Variants in BTBD7 observed in about 807,000 individuals in gnomAD.
BTBD7 encodes the protein BTB/POZ domain-containing protein 7.
A neutral mutation model predicts 99.9 loss-of-function variants in BTBD7; 38 were observed. The ratio of observed to expected loss-of-function variants is 0.38; its 90% CI spans 0.29 to 0.50. BTBD7 has a LOEUF of 0.50. BTBD7 is among the 20% of genes least tolerant of loss of function. The pLI is 0.93. For missense variants in BTBD7, 1,170 were observed against 1,394.6 expected, an observed-to-expected ratio of 0.84 and a Z score of 2.57; for synonymous variants, 520 against 511.4, an observed-to-expected ratio of 1.02 and a Z score of -0.23.
At chr14:93,320,281 C>T (rs1272814471) in intron 1 of BTBD7, among the ~76,000 whole-genome samples, 3 of 152,158 alleles carry the variant, frequency 2.0e-5, no homozygotes, top group Admixed American at 6.5e-5. Flanking sequence ...CCCTAACCCC[C>T]ACACTTGACA....
Position 93,240,052 on chromosome 14 carries a change from T to C in BTBD7, c.*2221A>G, listed in dbSNP as rs989788939. The C allele has an allele frequency of 6.6e-6, 1 of 152,166 alleles. No individual in the cohort carries two copies. Among genetic ancestry groups the C allele is most frequent in the African/African-American group, 2.4e-5 (1 of 41,438 alleles). The allele number at this position is 152,166 out of a possible 1,614,324, so 9.4% of individuals were successfully genotyped here. A position where few individuals can be genotyped will look rare whatever the true frequency, so the allele number is the denominator to read the frequency against. ...TTCTGAAGACAGACAGAGACTGGGC[T>C]TCAAAAGACACCGTCTTCTATTATG... On this transcript the variant is annotated 3_prime_UTR_variant, in exon 11 of 11. Transcript: ENST00000334746.
chr14:93,331,825 G>A (rs2053420476), intron 1 of BTBD7, among the ~76,000 whole-genome samples: 1 of 151,032 alleles, frequency 6.6e-6, no homozygotes, highest in Admixed American at 6.6e-5. Context: ...AGGTTGCAGT[G>A]AGTCGAGATC....
At chr14:93,331,431 T>C (rs2053406305) in intron 1 of BTBD7, among the ~76,000 whole-genome samples, 1 of 152,236 alleles carries the variant, frequency 6.6e-6, no homozygotes, top group Non-Finnish European at 1.5e-5. Context: ...TAAAAGTTTT[T>C]CTGACTCCAA....
At position 93,238,202 on chromosome 14, in the gene BTBD7, C is replaced by G. The variant is rs886700309; in HGVS notation, c.*4071G>C. ...AGTAATCTTTCTATAGAAATGGCCA[C>G]AGCATTATAATATTCAAAATATGGA... On this transcript the variant is annotated 3_prime_UTR_variant, in exon 11 of 11. Transcript: ENST00000334746. 1 of 152,318 alleles carries G rather than the reference C, an allele frequency of 6.6e-6. No individual in the cohort carries two copies. Among genetic ancestry groups the G allele is most frequent in the African/African-American group, 2.4e-5 (1 of 41,322 alleles). The allele number at this position is 152,318 out of a possible 1,614,324, so 9.4% of individuals were successfully genotyped here. A position where few individuals can be genotyped will look rare whatever the true frequency, so the allele number is the denominator to read the frequency against.
In BTBD7 at chr14:93,240,158, C is replaced by A. The variant is rs991431383; in HGVS notation, c.*2115G>T. 5 of 152,528 alleles carry A rather than the reference C, an allele frequency of 3.3e-5. No individual in the cohort carries two copies. Among genetic ancestry groups the A allele is most frequent in the Admixed American group, 3.3e-4 (5 of 15,282 alleles). The allele number at this position is 152,528 out of a possible 1,614,324, so 9.4% of individuals were successfully genotyped here. Reference sequence around the variant, plus strand: ...AGCCTCGAATGCGATGCACAGCCGACCTGCAGATTAGTGTTAACTCTGGGA... The same window carrying A: ...AGCCTCGAATGCGATGCACAGCCGAACTGCAGATTAGTGTTAACTCTGGGA... On this transcript the variant is annotated 3_prime_UTR_variant, in exon 11 of 11. Coordinates refer to ENST00000334746, the MANE Select transcript of BTBD7 (RefSeq NM_001002860.4).
rs77262983 is a variant in BTBD7, at chr14:93,297,938, G to A, written c.-106-1781C>T. ...CTTTTAAGATGAGCTTGGAATCTGA[G>A]TGTAAGGGGAGATGGTGAAAATCAT... On this transcript the variant is annotated intron_variant, in intron 1 of 10. Coordinates refer to ENST00000334746, the MANE Select transcript of BTBD7 (RefSeq NM_001002860.4). 9.4e-3 allele frequency among the ~76,000 whole-genome samples: 1,430 copies of A among 152,352 alleles called. 27 individuals are homozygous for A. The highest frequency in any genetic ancestry group is 0.033 in the African/African-American group (1,368 of 41,580).
chr14:93,276,951 G>T (rs2052663336), intron 3 of BTBD7, among the ~76,000 whole-genome samples: 1 of 135,738 alleles, frequency 7.4e-6, no homozygotes, highest in Non-Finnish European at 1.5e-5. Context: ...ACCCAGCCTG[G>T]AGTGCAGTGG....
Position 93,294,093 on chromosome 14 carries a change from A to G in BTBD7, c.927T>C (p.Thr309=), listed in dbSNP as rs1210594334. The G allele has an allele frequency of 1.2e-6, 2 of 1,614,122 alleles. No individual in the cohort carries two copies. The highest frequency in any genetic ancestry group is 1.7e-5 in the Admixed American group (1 of 60,010). The change falls in exon 3 of 11, where the codon ACT becomes ACC. Residue 309 remains threonine (T), a synonymous_variant. Transcript: ENST00000334746. ...ACTCATCTAATATAATTCTTGTGGG[A>G]GTCCTCAAAGTTCGGTCTGTGATTT... is the stretch of plus-strand genomic sequence containing the variant. ...GEEITDRTLR[T]PTRIILDESI...
At chr14:93,266,845 T>C (rs1357867695) in intron 3 of BTBD7, among the ~76,000 whole-genome samples, 1 of 152,242 alleles carries the variant, frequency 6.6e-6, no homozygotes, top group Non-Finnish European at 1.5e-5. Flanking sequence ...CCACCACATT[T>C]ATATCCACAT....
intron 3 of BTBD7, among the ~76,000 whole-genome samples, chr14:93,293,414 C>T (rs72708566): frequency 0.022 from 3,275 of 152,270 alleles, 58 homozygotes; most frequent in Non-Finnish European, 0.033. Context: ...TCTGATTCAA[C>T]TAAATTCGTA....
At chr14:93,315,448 T>C (rs1339560568) in intron 1 of BTBD7, among the ~76,000 whole-genome samples, 1 of 152,226 alleles carries the variant, frequency 6.6e-6, no homozygotes, top group Non-Finnish European at 1.5e-5. Context: ...ACTGAATTTC[T>C]TGAGAACGTT....
chr14:93,292,843 G>T (rs899886840), intron 3 of BTBD7, among the ~76,000 whole-genome samples: 1 of 151,952 alleles, frequency 6.6e-6, no homozygotes, highest in Non-Finnish European at 1.5e-5. Context: ...TTTAACTGGG[G>T]CTATTTTTCA....
intron 3 of BTBD7, among the ~76,000 whole-genome samples, chr14:93,285,230 CAGTA>C (rs2052763836): frequency 6.6e-6 from 1 of 151,992 alleles, no homozygotes; most frequent in African/African-American, 2.4e-5. Flanking sequence ...TGAGTGGGGA[CAGTA>C]AGTCTTTGCT....
At chr14:93,280,616 A>T (rs2052707658) in intron 3 of BTBD7, among the ~76,000 whole-genome samples, 2 of 152,212 alleles carry the variant, frequency 1.3e-5, no homozygotes, top group Admixed American at 6.5e-5. Context: ...TTTAGTGCAA[A>T]GAATCGTAAC....
intron 1 of BTBD7, chr14:93,332,326 G>A (rs771611196): frequency 6.6e-6 from 1 of 152,462 alleles, no homozygotes; most frequent in Non-Finnish European, 1.5e-5. Context: ...ACTTCCCCTG[G>A]GAGTAGCAGT....
At chr14:93,273,033 C>G (rs746888368) in intron 3 of BTBD7, among the ~76,000 whole-genome samples, 11 of 152,108 alleles carry the variant, frequency 7.2e-5, no homozygotes, top group South Asian at 2.1e-4. Flanking sequence ...AGACACCCAG[C>G]AAAGATAACA....
intron 4 of BTBD7, among the ~76,000 whole-genome samples, chr14:93,263,013 T>G (rs2052506942): frequency 6.6e-6 from 1 of 152,206 alleles, no homozygotes; most frequent in African/African-American, 2.4e-5. Flanking sequence ...ATTATTTAAC[T>G]CTCCACTGCA....
intron 1 of BTBD7, among the ~76,000 whole-genome samples, chr14:93,309,525 C>A (rs184410682): frequency 1.5e-4 from 23 of 151,526 alleles, no homozygotes; most frequent in Admixed American, 8.6e-4. Context: ...AACAAGAAAG[C>A]GTCTCAAAAG....
At chr14:93,309,026 C>T (rs1341414459) in intron 1 of BTBD7, among the ~76,000 whole-genome samples, 1 of 152,074 alleles carries the variant, frequency 6.6e-6, no homozygotes, top group African/African-American at 2.4e-5. Flanking sequence ...ATGGAAAAAA[C>T]CTCACAAAAA....
Sources: allele counts gnomAD v4.1 joint callset (sites outside exome capture counted in the v4.1 genomes callset), GRCh38; gene constraint gnomAD v4.1.1; transcripts MANE v1.5; gene names NCBI Gene and HGNC (gene_info 2026-07-23, HGNC 2026-07-21).